NPTXR: variants seen among roughly 807,000 people sequenced by gnomAD.
NPTXR encodes neuronal pentraxin receptor.
NPTXR carries 12 observed loss-of-function variants against 32.2 expected under a neutral mutation model. The observed-to-expected ratio is 0.37, with a 90% CI of 0.24 to 0.60. NPTXR has a LOEUF of 0.60. Ranked by LOEUF, NPTXR falls within the 20% of genes least tolerant of loss-of-function variation. NPTXR has a pLI of 0.66. For synonymous variants in NPTXR, 323 were observed against 315.8 expected, an observed-to-expected ratio of 1.02 and a Z score of -0.24; for missense variants, 612 against 682.9, an observed-to-expected ratio of 0.90 and a Z score of 1.16.
At chr22:38,835,607 T>C (rs2093122825) in intron 1 of NPTXR, among the ~76,000 whole-genome samples, 1 of 152,054 alleles carries the variant, frequency 6.6e-6, no homozygotes, top group Non-Finnish European at 1.5e-5. Flanking sequence ...CAAAAGTCCC[T>C]CCTGTCAGGC....
chr22:38,840,233 G>A (rs1024802546), intron 1 of NPTXR, among the ~76,000 whole-genome samples: 2 of 152,124 alleles, frequency 1.3e-5, no homozygotes, highest in Non-Finnish European at 2.9e-5. Flanking sequence ...GTGGGGATAG[G>A]AAGGGGACAG....
At chr22:38,828,880 C>T (rs949289813) in intron 1 of NPTXR, among the ~76,000 whole-genome samples, 20 of 152,228 alleles carry the variant, frequency 1.3e-4, no homozygotes, top group Admixed American at 7.9e-4. Flanking sequence ...AGGCTAGACA[C>T]TGATAGGCTG....
chr22:38,841,675 T>A (rs2146201016), intron 1 of NPTXR, among the ~76,000 whole-genome samples: 1 of 152,380 alleles, frequency 6.6e-6, no homozygotes, highest in Non-Finnish European at 1.5e-5. Context: ...AAAATAGCCA[T>A]CACTCAAATT....
intron 1 of NPTXR, among the ~76,000 whole-genome samples, chr22:38,829,361 A>G (rs1457917504): frequency 2.0e-5 from 3 of 152,120 alleles, no homozygotes; most frequent in East Asian, 3.9e-4. Flanking sequence ...TAAGACCCCA[A>G]GGGCAGCAGA....
chr22:38,823,276 C>T lies in NPTXR; in HGVS notation c.1099-14G>A, dbSNP rs551760726. On this transcript the variant is annotated splice_polypyrimidine_tract_variant and intron_variant, in intron 3 of 4. Coordinates refer to ENST00000333039, the MANE Select transcript of NPTXR (RefSeq NM_014293.4). ...CAGCTGGGCCACCTGGACACAGGTC[C>T]CCCAACCCCAGGTCAGAGGTGCCCC... The T allele has an allele frequency of 8.1e-6, 13 of 1,607,300 alleles. No individual in the cohort carries two copies. The highest frequency in any genetic ancestry group is 1.0e-5 in the Non-Finnish European group (12 of 1,179,548).
chr22:38,820,541 A>C lies in NPTXR; in HGVS notation c.*2068T>G, dbSNP rs980067266. The C allele has an allele frequency of 2.0e-5, 3 of 152,204 alleles. No individual in the cohort carries two copies. Among genetic ancestry groups the C allele is most frequent in the Non-Finnish European group, 4.4e-5 (3 of 68,056 alleles). The allele number at this position is 152,204 out of a possible 1,614,324, so 9.4% of individuals were successfully genotyped here. A position where few individuals can be genotyped will look rare whatever the true frequency, so the allele number is the denominator to read the frequency against. On this transcript the variant is annotated 3_prime_UTR_variant, in exon 5 of 5. Transcript: ENST00000333039. ...CAGGGGAGGGACACCTCAGCTCTCC[A>C]TTCTGCCGAAGCGCCCAGGGATCAT...
chr22:38,832,563 A>G (rs1456696714), intron 1 of NPTXR, among the ~76,000 whole-genome samples: 1 of 152,202 alleles, frequency 6.6e-6, no homozygotes, highest in Non-Finnish European at 1.5e-5. Context: ...TCCATCGAGC[A>G]CTCGCTGCAT....
chr22:38,836,283 G>C (rs1377514159), intron 1 of NPTXR, among the ~76,000 whole-genome samples: 1 of 152,170 alleles, frequency 6.6e-6, no homozygotes, highest in East Asian at 1.9e-4. Context: ...GAGAAATGAG[G>C]GCTGACAGCC....
rs2093099322 is a variant in NPTXR, at chr22:38,822,521, A to C, written c.*88T>G. 2.6e-6 allele frequency: 3 copies of C among 1,152,628 alleles called. No individual in the cohort carries two copies. The highest frequency in any genetic ancestry group is 3.8e-6 in the Non-Finnish European group (3 of 795,930). 71.4% of individuals were successfully genotyped at this position (1,152,628 alleles called of 1,614,324 possible). On this transcript the variant is annotated 3_prime_UTR_variant, in exon 5 of 5. Coordinates refer to ENST00000333039, the MANE Select transcript of NPTXR (RefSeq NM_014293.4). Reference sequence around the variant, plus strand: ...CAGGAGTGGGGCAGGAGGGAAGGCCAGTGCGTGGGCAGGCTGAGGAGGGAA... The same window carrying C: ...CAGGAGTGGGGCAGGAGGGAAGGCCCGTGCGTGGGCAGGCTGAGGAGGGAA...
Position 38,843,222 on chromosome 22 carries a change from G to C in NPTXR, c.624+13C>G. On this transcript the variant is annotated intron_variant, in intron 1 of 4. Transcript: ENST00000333039. This position sits in a 1 kb window ranked among gnomAD's most constrained non-coding sequence, Gnocchi z 5.3. Reference sequence around the variant, plus strand: ...CCACCCGGGCGGCTCCCCCGACGGCGCGCGGCGCTCACCTCCAGGCGGTCG... The same window carrying C: ...CCACCCGGGCGGCTCCCCCGACGGCCCGCGGCGCTCACCTCCAGGCGGTCG... 2 of 1,311,808 alleles carry C rather than the reference G, an allele frequency of 1.5e-6. No homozygotes were observed. The highest frequency in any genetic ancestry group is 1.9e-6 in the Non-Finnish European group (2 of 1,036,390). The allele number at this position is 1,311,808 out of a possible 1,614,324, so 81.3% of individuals were successfully genotyped here. A position where few individuals can be genotyped will look rare whatever the true frequency, so the allele number is the denominator to read the frequency against.
At chr22:38,835,105 G>A (rs2093122012) in intron 1 of NPTXR, among the ~76,000 whole-genome samples, 1 of 152,224 alleles carries the variant, frequency 6.6e-6, no homozygotes, top group African/African-American at 2.4e-5. Flanking sequence ...TGACAGGCCT[G>A]GTGCAGAGGG....
intron 1 of NPTXR, among the ~76,000 whole-genome samples, chr22:38,830,348 T>C (rs1210902919): frequency 2.6e-5 from 4 of 152,160 alleles, no homozygotes; most frequent in Non-Finnish European, 5.9e-5. Flanking sequence ...GCCGGGGGCA[T>C]GGTTTTGGGT....
At chr22:38,831,956 C>T (rs1568985644) in intron 1 of NPTXR, among the ~76,000 whole-genome samples, 1 of 152,130 alleles carries the variant, frequency 6.6e-6, no homozygotes, top group African/African-American at 2.4e-5. Flanking sequence ...TGGGCCAAAC[C>T]GATACCCCTG....
intron 1 of NPTXR, among the ~76,000 whole-genome samples, chr22:38,829,339 C>T (rs966952014): frequency 1.3e-5 from 2 of 152,122 alleles, no homozygotes; most frequent in African/African-American, 4.8e-5. Flanking sequence ...CCATGACATG[C>T]CTGTCTTATC....
intron 3 of NPTXR, among the ~76,000 whole-genome samples, chr22:38,825,565 A>G (rs2093105091): frequency 6.6e-6 from 1 of 152,156 alleles, no homozygotes; most frequent in Admixed American, 6.5e-5. Context: ...ACCCTAAGAG[A>G]CAAGAGTTCT....
chr22:38,829,614 G>C (rs1275320655), intron 1 of NPTXR, among the ~76,000 whole-genome samples: 1 of 152,156 alleles, frequency 6.6e-6, no homozygotes, highest in Non-Finnish European at 1.5e-5. Flanking sequence ...CCCGCTACCA[G>C]GCCTGATGCT....
At chr22:38,837,096 G>A (rs2093125123) in intron 1 of NPTXR, among the ~76,000 whole-genome samples, 1 of 152,202 alleles carries the variant, frequency 6.6e-6, no homozygotes, top group African/African-American at 2.4e-5. Context: ...TTACAGGCGT[G>A]AGCCACCGCG....
At position 38,843,437 on chromosome 22, in the gene NPTXR, T is replaced by C; in HGVS notation, c.422A>G (p.Glu141Gly). Reference sequence around the variant, plus strand: ...GTCCTGGTCGGCGCGGATGCGCGCCTCCTGCTGCAGCGCCGTCTGGCGCAG... The same window carrying C: ...GTCCTGGTCGGCGCGGATGCGCGCCCCCTGCTGCAGCGCCGTCTGGCGCAG... Residue 141 changes from glutamate to glycine, a missense_variant, in exon 1 of 5, where the codon GAG becomes GGG. Transcript: ENST00000333039. This position sits in a 1 kb window ranked among gnomAD's most constrained non-coding sequence, Gnocchi z 5.3. The C allele has an allele frequency of 1.4e-6, 2 of 1,384,414 alleles. No individual in the cohort carries two copies. The highest frequency in any genetic ancestry group is 1.5e-5 in the African/African-American group (1 of 66,230). 85.8% of individuals were successfully genotyped at this position (1,384,414 alleles called of 1,614,324 possible).
intron 1 of NPTXR, among the ~76,000 whole-genome samples, chr22:38,842,751 C>A (rs992098707): frequency 6.6e-6 from 1 of 152,148 alleles, no homozygotes; most frequent in Non-Finnish European, 1.5e-5. Context: ...ACTCTGTTCC[C>A]GGCTCTGTGT....
Sources: allele counts gnomAD v4.1 joint callset (sites outside exome capture counted in the v4.1 genomes callset), GRCh38; gene constraint gnomAD v4.1.1; non-coding constraint Gnocchi (gnomAD v3.1); transcripts MANE v1.5; gene names NCBI Gene and HGNC (gene_info 2026-07-23, HGNC 2026-07-21).